NR1H4: variants seen among roughly 807,000 people sequenced by gnomAD.
NR1H4 encodes the protein bile acid receptor.
NR1H4 carries 23 observed loss-of-function variants against 58.5 expected under a neutral mutation model. That is an observed-to-expected ratio of 0.39 (90% CI 0.28 to 0.56). The LOEUF (loss-of-function observed/expected upper bound fraction) is 0.56. NR1H4 is among the 20% of genes least tolerant of loss of function. The pLI, the probability that NR1H4 is intolerant of heterozygous loss-of-function variation, is 0.58. For synonymous variants in NR1H4, 214 were observed against 198.0 expected (o/e 1.08, Z -0.68); for missense variants, 487 against 576.9 (o/e 0.84, Z 1.60).
intron 9 of NR1H4, among the ~76,000 whole-genome samples, chr12:100,554,175 A>T (rs749629852): frequency 4.6e-5 from 7 of 152,238 alleles, no homozygotes; most frequent in Admixed American, 2.0e-4. Context: ...CAGAAGGCAG[A>T]TGTGGCTTTG....
At chr12:100,542,174 C>T (rs1182428263) in intron 9 of NR1H4, among the ~76,000 whole-genome samples, 4 of 151,714 alleles carry the variant, frequency 2.6e-5, no homozygotes, top group Non-Finnish European at 4.4e-5. Context: ...AGTGAAACTC[C>T]GTCTCTACTA....
At chr12:100,517,321 T>C (rs1032832809) in intron 4 of NR1H4, among the ~76,000 whole-genome samples, 33 of 152,246 alleles carry the variant, frequency 2.2e-4, no homozygotes, top group African/African-American at 7.5e-4. Context: ...TTTCATGTAA[T>C]ATCCTCCGGG....
chr12:100,474,496 C>T (rs1282537343), intron 1 of NR1H4, among the ~76,000 whole-genome samples: 1 of 152,116 alleles, frequency 6.6e-6, no homozygotes, highest in African/African-American at 2.4e-5. Flanking sequence ...TTAACCTATG[C>T]TTAATTGAAA....
At chr12:100,511,767 C>T (rs1235258163) in intron 4 of NR1H4, among the ~76,000 whole-genome samples, 1 of 151,756 alleles carries the variant, frequency 6.6e-6, no homozygotes, top group Non-Finnish European at 1.5e-5. Flanking sequence ...ACTAAAAATA[C>T]AAAAATTAGC....
chr12:100,518,817 G>T (rs1353228389), intron 4 of NR1H4, among the ~76,000 whole-genome samples: 1 of 141,916 alleles, frequency 7.0e-6, no homozygotes, highest in Admixed American at 7.1e-5. Context: ...TTTTGAGATG[G>T]ACTCTCGCTC....
intron 8 of NR1H4, 73 bp from the exon 9 acceptor site, chr12:100,540,599 T>G: frequency 2.0e-6 from 3 of 1,506,128 alleles, no homozygotes; most frequent in Non-Finnish European, 2.8e-6. Context: ...GTAAATGTTT[T>G]ATCAATGGCA....
chr12:100,525,190 T>C (rs1253589468), intron 4 of NR1H4: 1 of 152,230 alleles, frequency 6.6e-6, no homozygotes, highest in Non-Finnish European at 1.5e-5. Context: ...GCAGTTCTTG[T>C]ACAGTCTCTG....
intron 3 of NR1H4, chr12:100,500,085 A>C: frequency 2.6e-6 from 1 of 383,136 alleles, no homozygotes; most frequent in Non-Finnish European, 5.2e-6. Flanking sequence ...GATGTTAAAT[A>C]ATCTGCTAAA....
In NR1H4 at chr12:100,563,946, G is replaced by T; in HGVS notation, c.*457G>T. On this transcript the variant is annotated 3_prime_UTR_variant, in exon 11 of 11. Coordinates refer to ENST00000392986, the MANE Select transcript of NR1H4 (RefSeq NM_001206979.2). ...GAAAGACATCCTATTGAATCTGAGGGGGTAATTTACAGAAAGATACTGTCT... is the reference window on the plus strand; with the variant it reads ...GAAAGACATCCTATTGAATCTGAGGTGGTAATTTACAGAAAGATACTGTCT... 6.2e-6 allele frequency: 1 copy of T among 161,812 alleles called. No homozygotes were observed. Among genetic ancestry groups the T allele is most frequent in the East Asian group, 1.8e-4 (1 of 5,634 alleles). The allele number at this position is 161,812 out of a possible 1,614,324, so 10.0% of individuals were successfully genotyped here. A position where few individuals can be genotyped will look rare whatever the true frequency, so the allele number is the denominator to read the frequency against.
chr12:100,559,610 C>T (rs1006966510), intron 9 of NR1H4, among the ~76,000 whole-genome samples: 26 of 152,328 alleles, frequency 1.7e-4, no homozygotes, highest in African/African-American at 6.0e-4. Context: ...GCCTTAGCTG[C>T]CTTCCCGAGG....
At chr12:100,513,789 C>T (rs1046747380) in intron 4 of NR1H4, among the ~76,000 whole-genome samples, 2 of 132,792 alleles carry the variant, frequency 1.5e-5, no homozygotes, top group Admixed American at 8.2e-5. Flanking sequence ...AGCGAGACTC[C>T]GTCAAAGACA....
intron 4 of NR1H4, among the ~76,000 whole-genome samples, chr12:100,522,923 A>G (rs1236456108): frequency 6.6e-6 from 1 of 152,162 alleles, no homozygotes; most frequent in Non-Finnish European, 1.5e-5. Context: ...TCCATGGTGT[A>G]TATATACCAC....
rs544238462 is a variant in NR1H4, at chr12:100,562,652, G to GT, written c.1193-592dup. 2.5e-4 allele frequency among the ~76,000 whole-genome samples: 38 copies of GT among 152,064 alleles called. 1 individual carries two copies. The highest frequency in any genetic ancestry group is 1.4e-3 in the Admixed American group (22 of 15,278). On this transcript the variant is annotated intron_variant, in intron 10 of 10. Coordinates refer to ENST00000392986, the MANE Select transcript of NR1H4 (RefSeq NM_001206979.2). ...TGTTTGTATATTCAGGATATTTCCA[G>GT]TTTTTTTGATGTTGAAAATGTTTCT...
At chr12:100,502,540 A>C (rs564879714) in intron 3 of NR1H4, among the ~76,000 whole-genome samples, 2,344 of 152,148 alleles carry the variant, frequency 0.015, 74 homozygotes, top group Non-Finnish European at 0.016. Context: ...GTCATATTGG[A>C]TCTTCATTTT....
chr12:100,520,643 C>T (rs1266241318), intron 4 of NR1H4, among the ~76,000 whole-genome samples: 1 of 152,180 alleles, frequency 6.6e-6, no homozygotes, highest in East Asian at 1.9e-4. Flanking sequence ...TGTCCCCTGC[C>T]TTTCAATACC....
At chr12:100,540,171 C>T (rs1408169827) in intron 8 of NR1H4, among the ~76,000 whole-genome samples, 3 of 152,148 alleles carry the variant, frequency 2.0e-5, no homozygotes, top group Non-Finnish European at 4.4e-5. Context: ...CCCTGTGTGT[C>T]GCAGTGCTGA....
chr12:100,551,512 A>G (rs1035109816), intron 9 of NR1H4, among the ~76,000 whole-genome samples: 21 of 152,224 alleles, frequency 1.4e-4, no homozygotes, highest in Admixed American at 3.3e-4. Flanking sequence ...AAATTTAGAA[A>G]TCTTAACACC....
chr12:100,525,877 G>A (rs1035640912), intron 4 of NR1H4, among the ~76,000 whole-genome samples: 2 of 152,040 alleles, frequency 1.3e-5, no homozygotes, highest in African/African-American at 4.8e-5. Flanking sequence ...GTCTTTCCAG[G>A]AATTTCATCT....
At chr12:100,483,809 C>T (rs1953431893) in intron 1 of NR1H4, among the ~76,000 whole-genome samples, 1 of 151,874 alleles carries the variant, frequency 6.6e-6, no homozygotes, top group Admixed American at 6.6e-5. Context: ...CATGGTGAAA[C>T]CCTGTCTCTA....
Sources: gnomAD v4.1 joint callset for allele counts (sites outside exome capture counted in the v4.1 genomes callset) on GRCh38, gnomAD v4.1.1 for gene constraint, MANE v1.5 for transcripts, NCBI Gene and HGNC (gene_info 2026-07-23, HGNC 2026-07-21) for gene names.